The following CCDC186 variants were observed in gnomAD, a reference collection of about 807,000 sequenced individuals.
CCDC186 encodes coiled-coil domain-containing protein 186.
Under a neutral mutation model 113.7 loss-of-function variants are expected in CCDC186, and 49 were observed. That is an observed-to-expected ratio of 0.43 (90% CI 0.34 to 0.55). The LOEUF (loss-of-function observed/expected upper bound fraction) is 0.55. CCDC186 is among the 20% of genes least tolerant of loss of function. The pLI is 0.02. For missense variants in CCDC186, 890 were observed against 1,011.1 expected, an observed-to-expected ratio of 0.88 and a Z score of 1.62; for synonymous variants, 355 against 345.8, an observed-to-expected ratio of 1.03 and a Z score of -0.30.
At chr10:114,164,315 G>T (rs1564919157) in intron 1 of CCDC186, among the ~76,000 whole-genome samples, 1 of 151,432 alleles carries the variant, frequency 6.6e-6, no homozygotes, top group Non-Finnish European at 1.5e-5. Flanking sequence ...AAGAGATAGG[G>T]TTTCACCAGG....
Position 114,125,922 on chromosome 10 carries a change from AAC to A in CCDC186, c.2575_2576del (p.Val859PhefsTer27). On this transcript the variant is annotated frameshift_variant, in exon 15 of 16. Coordinates refer to ENST00000369287, the MANE Select transcript of CCDC186 (RefSeq NM_018017.4). LOFTEE classifies it high-confidence loss of function. ...SLEINRKLQA[V>X]LEDTLLKNIT... ...TATTTTTTAGTAACGTATCCTCCAA[AAC>A]AGCCTGTAATTTTCGGTTGATTTCC... 1.9e-6 allele frequency: 3 copies of A among 1,613,916 alleles called. No homozygotes were observed. The highest frequency in any genetic ancestry group is 2.5e-6 in the Non-Finnish European group (3 of 1,179,906).
chr10:114,156,821 C>A (rs1320645693), intron 3 of CCDC186, among the ~76,000 whole-genome samples: 1 of 152,122 alleles, frequency 6.6e-6, no homozygotes, highest in African/African-American at 2.4e-5. Context: ...TGACAGCCAG[C>A]CTTCACAATA....
intron 14 of CCDC186, among the ~76,000 whole-genome samples, 181 bp from the exon 15 acceptor site, chr10:114,126,286 T>G (rs2030897893): frequency 6.6e-6 from 1 of 152,218 alleles, no homozygotes; most frequent in Non-Finnish European, 1.5e-5. Context: ...TTTGTTCTAT[T>G]GTAGCATTCG....
intron 14 of CCDC186, 29 bp from the exon 15 acceptor site, chr10:114,126,134 T>G: frequency 6.3e-7 from 1 of 1,576,460 alleles, no homozygotes; most frequent in Non-Finnish European, 8.7e-7. Flanking sequence ...GTATCAGTTG[T>G]GTACTTGTAG....
chr10:114,170,787 A>G (rs143597800), intron 1 of CCDC186, among the ~76,000 whole-genome samples: 1 of 152,234 alleles, frequency 6.6e-6, no homozygotes, highest in African/African-American at 2.4e-5. Context: ...GAACTTTATG[A>G]TATGTGCATT....
intron 1 of CCDC186, chr10:114,165,986 A>G (rs2032326378): frequency 1.1e-6 from 1 of 946,228 alleles, no homozygotes; most frequent in African/African-American, 1.8e-5. Context: ...TTTAATGGCT[A>G]GAACCTGTCT....
chr10:114,170,733 C>T (rs1298785540), intron 1 of CCDC186, among the ~76,000 whole-genome samples: 1 of 152,078 alleles, frequency 6.6e-6, no homozygotes, highest in African/African-American at 2.4e-5. Flanking sequence ...GGTTATTTAT[C>T]CCTGTGGGGG....
Position 114,162,715 on chromosome 10 carries a change from T to C in CCDC186, c.554A>G (p.Asn185Ser), listed in dbSNP as rs1251831450. ...FAEHRVPNGMNKGEHALVLFE... is the reference protein window; with the variant it reads ...FAEHRVPNGMSKGEHALVLFE... ...CAGAACTAATGCATGTTCTCCCTTA[T>C]TCATTCCATTTGGTACTCGATGTTC... The change falls in exon 2 of 16, where the codon AAT becomes AGT. Residue 185 changes from asparagine to serine, a missense_variant. By Grantham distance (46) the Asn-to-Ser change is conservative. Coordinates refer to ENST00000369287, the MANE Select transcript of CCDC186 (RefSeq NM_018017.4). 6.2e-7 allele frequency: 1 copy of C among 1,613,824 alleles called. No individual in the cohort carries two copies. The highest frequency in any genetic ancestry group is 1.1e-5 in the South Asian group (1 of 91,008).
At chr10:114,136,337 C>CATATACATTTCTGTTACGTT in intron 7 of CCDC186, 91 bp from the exon 8 acceptor site, 1 of 801,904 alleles carries the variant, frequency 1.2e-6, no homozygotes, top group South Asian at 1.6e-5. Context: ...AATGTAGCAT[C>CATATACATTTCTGTTACGTT]ATATACATTT....
At chr10:114,167,481 G>A (rs1005919359) in intron 1 of CCDC186, among the ~76,000 whole-genome samples, 6 of 152,070 alleles carry the variant, frequency 3.9e-5, no homozygotes, top group Non-Finnish European at 7.4e-5. Flanking sequence ...ACAGTAAGCT[G>A]AGTCCTCATG....
intron 11 of CCDC186, 94 bp downstream of exon 11, chr10:114,131,835 G>C: frequency 8.9e-7 from 1 of 1,120,326 alleles, no homozygotes; most frequent in East Asian, 2.8e-5. Context: ...GTCCAGGAAA[G>C]AACTTAATTC....
chr10:114,168,993 G>T (rs1191005132), intron 1 of CCDC186, among the ~76,000 whole-genome samples: 4 of 149,708 alleles, frequency 2.7e-5, no homozygotes, highest in African/African-American at 9.8e-5. Flanking sequence ...TATTCTAGGT[G>T]TTGGGAACAT....
chr10:114,169,630 T>C (rs1166115286), intron 1 of CCDC186, among the ~76,000 whole-genome samples: 1 of 152,208 alleles, frequency 6.6e-6, no homozygotes, highest in Admixed American at 6.5e-5. Context: ...TGTTCTTCAA[T>C]ATAATGGTTT....
In CCDC186 at chr10:114,121,126, T is replaced by G. The variant is rs572081942; in HGVS notation, c.*4017A>C. On this transcript the variant is annotated 3_prime_UTR_variant, in exon 16 of 16. Transcript: ENST00000369287. ...ATACATCTCTAATATACAATTATAT[T>G]TTTCATTTATTTTCCTAAAAATTCT... The G allele has an allele frequency of 1.3e-5, 2 of 152,288 alleles. No homozygotes were observed. Among genetic ancestry groups the G allele is most frequent in the South Asian group, 4.1e-4 (2 of 4,826 alleles). The allele number at this position is 152,288 out of a possible 1,614,324, so 9.4% of individuals were successfully genotyped here.
rs560000554 is a variant in CCDC186, at chr10:114,146,384, G to A, written c.889-623C>T. Among the ~76,000 whole-genome samples the A allele has an allele frequency of 6.6e-4, 101 of 152,192 alleles. 1 individual carries two copies. The highest frequency in any genetic ancestry group is 2.3e-3 in the African/African-American group (94 of 41,524). On this transcript the variant is annotated intron_variant, in intron 4 of 15. Coordinates refer to ENST00000369287, the MANE Select transcript of CCDC186 (RefSeq NM_018017.4). The stretch of plus-strand genomic sequence containing the variant: ...TTTTTATTAAATTATCTTCATCACC[G>A]GTTTAAGTGTGCCATCTGTTTTCTG...
intron 13 of CCDC186, among the ~76,000 whole-genome samples, chr10:114,129,472 C>T (rs1411860709): frequency 6.6e-6 from 1 of 152,020 alleles, no homozygotes; most frequent in Non-Finnish European, 1.5e-5. Flanking sequence ...TTATATATAA[C>T]CACAATTTTT....
At chr10:114,165,906 A>C in intron 1 of CCDC186, 1 of 984,226 alleles carries the variant, frequency 1.0e-6, no homozygotes, top group Non-Finnish European at 1.2e-6. Context: ...ATACCTCTTC[A>C]TGCCAAGCAG....
chr10:114,172,394 A>G (rs996449771), intron 1 of CCDC186, among the ~76,000 whole-genome samples: 2 of 152,248 alleles, frequency 1.3e-5, no homozygotes, highest in African/African-American at 4.8e-5. Context: ...ATCATTAGCT[A>G]TGCTGTCACT....
chr10:114,150,306 A>C lies in CCDC186; in HGVS notation c.888+786T>G, dbSNP rs1236095929. On this transcript the variant is annotated intron_variant, in intron 4 of 15. Transcript: ENST00000369287. ...GAGTTCAGGCAAGTAATAAAAAAGC[A>C]CTGCTTAAAATTACCTCTTCTGAGA... 2.0e-5 allele frequency among the ~76,000 whole-genome samples: 3 copies of C among 152,354 alleles called. No homozygotes were observed. The East Asian group carries it at 5.8e-4, about 29-fold the overall frequency.
Sources: allele counts gnomAD v4.1 joint callset (sites outside exome capture counted in the v4.1 genomes callset), GRCh38; gene constraint gnomAD v4.1.1; transcripts MANE v1.5; gene names NCBI Gene and HGNC (gene_info 2026-07-23, HGNC 2026-07-21).